Variants in PSD3 observed in about 807,000 individuals in gnomAD.
The protein encoded by PSD3 is PH and SEC7 domain-containing protein 3.
PSD3 carries 49 observed loss-of-function variants against 105.5 expected under a neutral mutation model. That is an observed-to-expected ratio of 0.46 (90% CI 0.37 to 0.59). PSD3 has a LOEUF of 0.59. Among genes scored for constraint, PSD3 ranks in the 20% least tolerant of loss-of-function variants. The probability of loss-of-function intolerance (pLI) is 0.00; values close to 1 mark genes in which losing one functional copy is unlikely to be tolerated. For missense variants in PSD3, 1,561 were observed against 1,263.8 expected, an observed-to-expected ratio of 1.24 and a Z score of -3.57; for synonymous variants, 557 against 457.8, an observed-to-expected ratio of 1.22 and a Z score of -2.77.
At chr8:18,620,623 C>A (rs1251398053) in intron 11 of PSD3, among the ~76,000 whole-genome samples, 2 of 152,028 alleles carry the variant, frequency 1.3e-5, no homozygotes, top group African/African-American at 4.8e-5. Flanking sequence ...GTAGGGGGGA[C>A]TGCTTGAGCC....
At chr8:18,651,537 CA>C (rs1808480938) in intron 10 of PSD3, among the ~76,000 whole-genome samples, 1 of 152,174 alleles carries the variant, frequency 6.6e-6, no homozygotes, top group Non-Finnish European at 1.5e-5. Context: ...GCCTTCATTA[CA>C]TATAAACACT....
At chr8:18,588,880 T>C (rs1803388858) in intron 12 of PSD3, among the ~76,000 whole-genome samples, 2 of 144,750 alleles carry the variant, frequency 1.4e-5, no homozygotes, top group East Asian at 2.0e-4. Flanking sequence ...CTCTCAAATG[T>C]TGAATGTGAG....
At chr8:18,763,912 T>G (rs541053495) in intron 9 of PSD3, among the ~76,000 whole-genome samples, 1 of 152,234 alleles carries the variant, frequency 6.6e-6, no homozygotes, top group Admixed American at 6.5e-5. Context: ...TAATACATAC[T>G]TTCCCATGAG....
At chr8:18,989,893 A>C (rs888481516) in intron 1 of PSD3, among the ~76,000 whole-genome samples, 4 of 152,210 alleles carry the variant, frequency 2.6e-5, no homozygotes, top group Admixed American at 2.6e-4. Flanking sequence ...CTTATAGTCT[A>C]GGTGGAAGGA....
intron 4 of PSD3, among the ~76,000 whole-genome samples, chr8:18,829,444 T>TAAA (rs951786476): frequency 1.3e-5 from 2 of 152,186 alleles, no homozygotes; most frequent in Non-Finnish European, 2.9e-5. Flanking sequence ...TCATTCCCTT[T>TAAA]ATCTAAAACG....
intron 9 of PSD3, among the ~76,000 whole-genome samples, chr8:18,698,071 G>A (rs78614964): frequency 6.6e-6 from 1 of 151,972 alleles, no homozygotes; most frequent in African/African-American, 2.4e-5. Flanking sequence ...ATTACCCTGG[G>A]TTGTCTCAGT....
upstream of PSD3, among the ~76,000 whole-genome samples, chr8:19,018,494 A>G (rs904415478): frequency 1.3e-5 from 2 of 152,178 alleles, no homozygotes; most frequent in African/African-American, 4.8e-5. Flanking sequence ...ATTTTACTTC[A>G]ATAAAAGAAA....
chr8:18,604,193 C>CTG (rs1266099917), intron 11 of PSD3, among the ~76,000 whole-genome samples: 1 of 152,128 alleles, frequency 6.6e-6, no homozygotes, highest in East Asian at 1.9e-4. Flanking sequence ...GACCAAAATG[C>CTG]TGGCAGTGAT....
intron 1 of PSD3, among the ~76,000 whole-genome samples, chr8:19,054,400 C>G (rs943386798): frequency 2.6e-5 from 4 of 152,000 alleles, no homozygotes; most frequent in African/African-American, 2.4e-5. Context: ...TTTTTGGTGC[C>G]TGGAAGAACT....
intron 8 of PSD3, chr8:18,774,686 G>T (rs955169212): frequency 8.3e-6 from 3 of 360,894 alleles, no homozygotes; most frequent in Non-Finnish European, 1.6e-5. Context: ...CTGGGGGCTA[G>T]TATTTCTTGC....
At chr8:18,943,119 G>A (rs1822655437) in intron 1 of PSD3, among the ~76,000 whole-genome samples, 1 of 152,158 alleles carries the variant, frequency 6.6e-6, no homozygotes, top group Admixed American at 6.5e-5. Context: ...GAAGCTGCCT[G>A]GGTATAGAGA....
chr8:19,063,908 G>A (rs757675660), intron 1 of PSD3, among the ~76,000 whole-genome samples: 31 of 152,126 alleles, frequency 2.0e-4, no homozygotes, highest in South Asian at 4.1e-4. Context: ...TTGGGAGGCC[G>A]AAGTGGGTGG....
chr8:18,908,682 C>A (rs79739122), intron 2 of PSD3, among the ~76,000 whole-genome samples: 1 of 152,166 alleles, frequency 6.6e-6, no homozygotes, highest in Non-Finnish European at 1.5e-5. Context: ...AGATTCGTAC[C>A]AATCATTTGG....
At chr8:18,701,837 A>G (rs888530033) in intron 9 of PSD3, among the ~76,000 whole-genome samples, 1 of 152,254 alleles carries the variant, frequency 6.6e-6, no homozygotes, top group African/African-American at 2.4e-5. Flanking sequence ...CGTACAAAGT[A>G]GAGATTTATG....
chr8:18,594,279 A>C lies in PSD3; in HGVS notation c.2481+6085T>G. Among the ~76,000 whole-genome samples the C allele has an allele frequency of 9.0e-5, 3 of 33,456 alleles. 1 individual carries two copies. The highest frequency in any genetic ancestry group is 2.7e-4 in the African/African-American group (2 of 7,478). 21.9% of individuals were successfully genotyped at this position (33,456 alleles called of 152,430 possible). A position where few individuals can be genotyped will look rare whatever the true frequency, so the allele number is the denominator to read the frequency against. On this transcript the variant is annotated intron_variant, in intron 12 of 15. Transcript: ENST00000327040. ...TATAATATATATTATTATATATATTATATAATATATATTATATATAATAAT... is the reference window on the plus strand; with the variant it reads ...TATAATATATATTATTATATATATTCTATAATATATATTATATATAATAAT...
At chr8:18,653,236 C>G (rs147625322) in intron 10 of PSD3, among the ~76,000 whole-genome samples, 475 of 152,120 alleles carry the variant, frequency 3.1e-3, no homozygotes, top group Non-Finnish European at 5.1e-3. Flanking sequence ...TCATTTCATC[C>G]AATTCCTTCA....
At chr8:18,615,855 C>T (rs144949821) in intron 11 of PSD3, among the ~76,000 whole-genome samples, 7 of 152,136 alleles carry the variant, frequency 4.6e-5, no homozygotes, top group Non-Finnish European at 8.8e-5. Context: ...CTGCTGTGCA[C>T]GCATTTCTAC....
chr8:18,978,734 T>C (rs954361660), intron 1 of PSD3, among the ~76,000 whole-genome samples: 1 of 152,310 alleles, frequency 6.6e-6, no homozygotes, highest in Non-Finnish European at 1.5e-5. Context: ...CACTGCTTTA[T>C]TGGTACCACT....
intron 11 of PSD3, among the ~76,000 whole-genome samples, chr8:18,624,534 T>C (rs1274216021): frequency 1.1e-5 from 1 of 92,838 alleles, no homozygotes; most frequent in Non-Finnish European, 2.0e-5. Flanking sequence ...TGGGGACTGT[T>C]GTGGGGTGGG....
Sources: gnomAD v4.1 joint callset for allele counts (sites outside exome capture counted in the v4.1 genomes callset) on GRCh38, gnomAD v4.1.1 for gene constraint, MANE v1.5 for transcripts, NCBI Gene and HGNC (gene_info 2026-07-23, HGNC 2026-07-21) for gene names.